The following TGFB2 variants were observed in gnomAD, a reference collection of about 807,000 sequenced individuals.
TGFB2 encodes the protein transforming growth factor beta-2 proprotein.
In TGFB2, 13 loss-of-function variants were observed where a neutral mutation model predicts 42.7. That is an observed-to-expected ratio of 0.30 (90% CI 0.20 to 0.48). The LOEUF (loss-of-function observed/expected upper bound fraction) is 0.48, where lower values mean the gene tolerates loss of function less well. Ranked by LOEUF, TGFB2 falls within the 20% of genes least tolerant of loss-of-function variation. The pLI is 0.99. For missense variants in TGFB2, 390 were observed against 517.5 expected, an observed-to-expected ratio of 0.75 and a Z score of 2.39; for synonymous variants, 193 against 193.6, an observed-to-expected ratio of 1.00 and a Z score of 0.03.
At chr1:218,385,847 T>G (rs1658116793) in intron 1 of TGFB2, among the ~76,000 whole-genome samples, 1 of 152,226 alleles carries the variant, frequency 6.6e-6, no homozygotes, top group Non-Finnish European at 1.5e-5. Flanking sequence ...TTGTCACAGT[T>G]GTTGCATTTT....
At chr1:218,407,522 C>A (rs762499358) in intron 2 of TGFB2, among the ~76,000 whole-genome samples, 1 of 152,168 alleles carries the variant, frequency 6.6e-6, no homozygotes, top group African/African-American at 2.4e-5. Flanking sequence ...CGTTGCTCGT[C>A]GCCCCAAGGT....
chr1:218,443,278 A>T lies in TGFB2; in HGVS notation c.*1916A>T, dbSNP rs572768123. The T allele has an allele frequency of 1.3e-5, 2 of 152,356 alleles. No individual in the cohort carries two copies. The highest frequency in any genetic ancestry group is 1.9e-4 in the East Asian group (1 of 5,190). 9.4% of individuals were successfully genotyped at this position (152,356 alleles called of 1,614,324 possible). Reference sequence around the variant, plus strand: ...TGGGGTTAATAGAATATGTCAGTTTATCACTTGTCGCTTATTTAGCTTTAA... The same window carrying T: ...TGGGGTTAATAGAATATGTCAGTTTTTCACTTGTCGCTTATTTAGCTTTAA... On this transcript the variant is annotated 3_prime_UTR_variant, in exon 7 of 7. Transcript: ENST00000366930.
chr1:218,366,720 G>A (rs962168915), intron 1 of TGFB2, among the ~76,000 whole-genome samples: 4 of 152,306 alleles, frequency 2.6e-5, no homozygotes, highest in Admixed American at 6.5e-5. Context: ...GGGGTGGGTG[G>A]AGCTGAGGAC....
intron 2 of TGFB2, among the ~76,000 whole-genome samples, chr1:218,415,181 G>A (rs953283229): frequency 6.6e-5 from 10 of 152,110 alleles, no homozygotes; most frequent in African/African-American, 2.2e-4. Context: ...TATCCTCAGC[G>A]GTTACTATTA....
chr1:218,425,099 C>G (rs1015301656), intron 2 of TGFB2, among the ~76,000 whole-genome samples: 1 of 152,190 alleles, frequency 6.6e-6, no homozygotes, highest in African/African-American at 2.4e-5. Context: ...TATTGGAAAG[C>G]CTTCTCCACT....
intron 1 of TGFB2, among the ~76,000 whole-genome samples, chr1:218,347,592 G>A (rs1028568542): frequency 6.6e-6 from 1 of 152,082 alleles, no homozygotes; most frequent in African/African-American, 2.4e-5. Flanking sequence ...GCATCGCCGA[G>A]ACAAAACCCG....
chr1:218,382,842 C>G (rs1658008223), intron 1 of TGFB2, among the ~76,000 whole-genome samples: 1 of 152,194 alleles, frequency 6.6e-6, no homozygotes, highest in Non-Finnish European at 1.5e-5. Context: ...AGATCACCTT[C>G]AAATGCCACT....
intron 2 of TGFB2, among the ~76,000 whole-genome samples, chr1:218,410,857 A>G (rs909997903): frequency 2.6e-5 from 4 of 152,238 alleles, no homozygotes; most frequent in Non-Finnish European, 4.4e-5. Flanking sequence ...GACCAGAAGT[A>G]TGAGGTAGAG....
chr1:218,418,423 G>A (rs184823758), intron 2 of TGFB2, among the ~76,000 whole-genome samples: 13 of 152,290 alleles, frequency 8.5e-5, no homozygotes, highest in East Asian at 1.9e-4. Flanking sequence ...CTGTACCCCC[G>A]TTGTATCTAG....
In TGFB2 at chr1:218,405,352, G is replaced by A. The variant is rs764338122; in HGVS notation, c.510+20G>A. The stretch of plus-strand genomic sequence containing the variant: ...TATCAGGTAATGTTCATTTGTTGTT[G>A]TTGTTGTTGTTGTTGTTGTTGTTTT... On this transcript the variant is annotated intron_variant, in intron 2 of 6. Transcript: ENST00000366930. 1 of 1,610,696 alleles carries A rather than the reference G, an allele frequency of 6.2e-7. No homozygotes were observed. Among genetic ancestry groups the A allele is most frequent in the South Asian group, 1.1e-5 (1 of 90,986 alleles).
intron 1 of TGFB2, among the ~76,000 whole-genome samples, chr1:218,379,126 C>CTTTTTTTTTTT (rs748882381): frequency 1.2e-4 from 17 of 143,728 alleles, no homozygotes; most frequent in Admixed American, 2.1e-4. Context: ...TTCTTTCTTT[C>CTTTTTTTTTTT]TTTCTTTTTT....
Position 218,354,214 on chromosome 1 carries a change from T to C in TGFB2, c.346+7167T>C, listed in dbSNP as rs114760369. Among the ~76,000 whole-genome samples, 582 of 152,224 alleles carry C rather than the reference T, an allele frequency of 3.8e-3. 4 individuals carry two copies. The highest frequency in any genetic ancestry group is 0.01 in the Middle Eastern group (3 of 292). On this transcript the variant is annotated intron_variant, in intron 1 of 6. Transcript: ENST00000366930. ...TGAGCATTCCCTTTACAGAATGAGA[T>C]TGAACTACAGGAAGAAGAAGAATCT...
chr1:218,356,319 T>A (rs549137856), intron 1 of TGFB2, among the ~76,000 whole-genome samples: 1 of 152,010 alleles, frequency 6.6e-6, no homozygotes, highest in African/African-American at 2.4e-5. Context: ...TGGGCTCTAG[T>A]TATCCTCCTG....
At chr1:218,429,079 C>T (rs1659722378) in intron 2 of TGFB2, among the ~76,000 whole-genome samples, 2 of 148,994 alleles carry the variant, frequency 1.3e-5, no homozygotes, top group African/African-American at 2.5e-5. Flanking sequence ...CTCCTGGGCT[C>T]AAGCAATTTT....
intron 2 of TGFB2, among the ~76,000 whole-genome samples, chr1:218,419,158 C>T (rs1479588151): frequency 6.6e-6 from 1 of 152,130 alleles, no homozygotes; most frequent in African/African-American, 2.4e-5. Context: ...TGACCTGTTC[C>T]TTAGTCACCC....
intron 2 of TGFB2, among the ~76,000 whole-genome samples, chr1:218,420,839 A>G (rs1659432269): frequency 1.3e-5 from 2 of 152,234 alleles, no homozygotes; most frequent in Non-Finnish European, 2.9e-5. Flanking sequence ...TGAGCTCCAA[A>G]GAGACTTGTA....
intron 2 of TGFB2, among the ~76,000 whole-genome samples, chr1:218,426,064 C>G (rs1180046267): frequency 6.6e-6 from 1 of 152,138 alleles, no homozygotes; most frequent in East Asian, 1.9e-4. Flanking sequence ...ACATTAAATG[C>G]ATTTAAAAAC....
intron 1 of TGFB2, among the ~76,000 whole-genome samples, chr1:218,379,126 C>CTTTTTTTTTTTTTTTTTTTTTTT (rs748882381): frequency 7.0e-6 from 1 of 143,738 alleles, no homozygotes. Flanking sequence ...TTCTTTCTTT[C>CTTTTTTTTTTTTTTTTTTTTTTT]TTTCTTTTTT....
intron 2 of TGFB2, among the ~76,000 whole-genome samples, chr1:218,413,673 G>A (rs1659177740): frequency 6.6e-6 from 1 of 152,206 alleles, no homozygotes; most frequent in Non-Finnish European, 1.5e-5. Context: ...TCATACGTAT[G>A]ATATCAGGAC....
Sources: allele counts gnomAD v4.1 joint callset (sites outside exome capture counted in the v4.1 genomes callset), GRCh38; gene constraint gnomAD v4.1.1; transcripts MANE v1.5; gene names NCBI Gene and HGNC (gene_info 2026-07-23, HGNC 2026-07-21).